The following NTRK2 variants were observed in gnomAD, a reference collection of about 807,000 sequenced individuals.
NTRK2 encodes neurotrophic receptor tyrosine kinase 2.
Under a neutral mutation model 94.5 loss-of-function variants are expected in NTRK2, and 13 were observed. The ratio of observed to expected loss-of-function variants is 0.14; its 90% CI spans 0.09 to 0.22. The LOEUF (loss-of-function observed/expected upper bound fraction) is 0.22, where lower values mean the gene tolerates loss of function less well. Ranked by LOEUF, NTRK2 falls within the 10% of genes least tolerant of loss-of-function variation. The pLI, the probability that NTRK2 is intolerant of heterozygous loss-of-function variation, is 1.00. For missense variants in NTRK2, 639 were observed against 1,071.2 expected (o/e 0.60, Z 5.63); for synonymous variants, 372 against 407.4 (o/e 0.91, Z 1.05).
intron 14 of NTRK2, among the ~76,000 whole-genome samples, chr9:84,879,786 C>T (rs892335077): frequency 6.6e-6 from 1 of 152,038 alleles, no homozygotes; most frequent in Admixed American, 6.6e-5. Flanking sequence ...TGGCATTGCC[C>T]CTTTCATGTG....
intron 14 of NTRK2, among the ~76,000 whole-genome samples, chr9:84,883,789 T>C (rs541715914): frequency 6.6e-6 from 1 of 152,228 alleles, no homozygotes; most frequent in South Asian, 2.1e-4. Flanking sequence ...CCAAAGTGGG[T>C]GAGATTAGGC....
chr9:84,846,646 G>T (rs1274148598), intron 12 of NTRK2, among the ~76,000 whole-genome samples: 3 of 152,182 alleles, frequency 2.0e-5, no homozygotes, highest in Non-Finnish European at 4.4e-5. Flanking sequence ...TACCTCCTCT[G>T]ACTCATGTAC....
intron 12 of NTRK2, among the ~76,000 whole-genome samples, chr9:84,830,524 T>A (rs1447101735): frequency 6.7e-6 from 1 of 149,548 alleles, no homozygotes; most frequent in Non-Finnish European, 1.5e-5. Context: ...CGTGTATGTG[T>A]ATGAGCATGC....
At chr9:84,923,228 G>T (rs2077626151) in intron 14 of NTRK2, among the ~76,000 whole-genome samples, 1 of 152,136 alleles carries the variant, frequency 6.6e-6, no homozygotes, top group African/African-American at 2.4e-5. Flanking sequence ...TCCTTCCTCT[G>T]TTCAGAGCGT....
intron 12 of NTRK2, among the ~76,000 whole-genome samples, chr9:84,857,340 C>G (rs1344813810): frequency 2.0e-5 from 3 of 151,966 alleles, no homozygotes; most frequent in African/African-American, 7.3e-5. Flanking sequence ...TTGAAGGAGC[C>G]CTTTATTTTG....
At chr9:84,960,151 C>T (rs1365059982) in intron 17 of NTRK2, among the ~76,000 whole-genome samples, 1 of 152,204 alleles carries the variant, frequency 6.6e-6, no homozygotes, top group East Asian at 1.9e-4. Context: ...CAGGGCAGAA[C>T]TCTAAAGTGT....
At chr9:84,699,768 CT>C (rs1474779959) in intron 2 of NTRK2, among the ~76,000 whole-genome samples, 1 of 140,602 alleles carries the variant, frequency 7.1e-6, no homozygotes, top group African/African-American at 2.6e-5. Context: ...TGTTTTTTTT[CT>C]TTTTTTTCCC....
chr9:84,729,650 T>G (rs1321241251), intron 9 of NTRK2, among the ~76,000 whole-genome samples: 1 of 152,224 alleles, frequency 6.6e-6, no homozygotes, highest in Non-Finnish European at 1.5e-5. Context: ...TTTGGTACAT[T>G]TGTCACAAAT....
chr9:84,822,022 A>G (rs1482403456), intron 12 of NTRK2, among the ~76,000 whole-genome samples: 1 of 152,204 alleles, frequency 6.6e-6, no homozygotes, highest in African/African-American at 2.4e-5. Flanking sequence ...TGTCATTTTC[A>G]CCATAAAGGA....
chr9:84,831,596 C>T (rs1246333144), intron 12 of NTRK2, among the ~76,000 whole-genome samples: 1 of 152,164 alleles, frequency 6.6e-6, no homozygotes, highest in African/African-American at 2.4e-5. Flanking sequence ...GAGGTAGATA[C>T]CACCATTATC....
At chr9:84,712,541 G>A (rs551604339) in intron 6 of NTRK2, among the ~76,000 whole-genome samples, 1 of 152,252 alleles carries the variant, frequency 6.6e-6, no homozygotes, top group African/African-American at 2.4e-5. Context: ...CAATGTCAAG[G>A]ATGCTTTTCA....
chr9:84,722,309 G>T lies in NTRK2; in HGVS notation c.584-1264G>T, dbSNP rs182382766. Among the ~76,000 whole-genome samples, 19 of 151,796 alleles carry T rather than the reference G, an allele frequency of 1.3e-4. 1 individual carries two copies. The highest frequency in any genetic ancestry group is 8.5e-4 in the Admixed American group (13 of 15,248). Reference sequence around the variant, plus strand: ...ATTGGGGAATCCTCTCCCAGTGGTGGGATAACCATGAAATATAGACTGTAC... The same window carrying T: ...ATTGGGGAATCCTCTCCCAGTGGTGTGATAACCATGAAATATAGACTGTAC... On this transcript the variant is annotated intron_variant, in intron 6 of 18. Transcript: ENST00000277120.
rs184697582 is a variant in NTRK2, at chr9:84,905,003, G to A, written c.1634-29159G>A. ...CAAAAGGAGAAAAGAAAAATGAATA[G>A]TGAAATGGTGCTGATATGACTATGT... is the stretch of plus-strand genomic sequence containing the variant. On this transcript the variant is annotated intron_variant, in intron 14 of 18. Coordinates refer to ENST00000277120, the MANE Select transcript of NTRK2 (RefSeq NM_006180.6). 1.9e-4 allele frequency among the ~76,000 whole-genome samples: 29 copies of A among 152,254 alleles called. No homozygotes were observed. The East Asian group carries it at 5.6e-3, about 29-fold the overall frequency.
At chr9:84,828,825 A>C (rs2131641850) in intron 12 of NTRK2, among the ~76,000 whole-genome samples, 1 of 152,318 alleles carries the variant, frequency 6.6e-6, no homozygotes, top group African/African-American at 2.4e-5. Flanking sequence ...GGGCAGGCAA[A>C]TATATAAATT....
At chr9:84,677,461 A>T (rs992163219) in intron 2 of NTRK2, among the ~76,000 whole-genome samples, 3 of 151,948 alleles carry the variant, frequency 2.0e-5, no homozygotes, top group African/African-American at 7.3e-5. Flanking sequence ...TCTGAGACAT[A>T]TTTTTGGTTG....
At chr9:84,889,341 T>C (rs2076528676) in intron 14 of NTRK2, among the ~76,000 whole-genome samples, 1 of 152,088 alleles carries the variant, frequency 6.6e-6, no homozygotes, top group Non-Finnish European at 1.5e-5. Flanking sequence ...TTTTAAAAAA[T>C]CTTTCTGTAA....
chr9:84,918,177 G>C (rs1004904030), intron 14 of NTRK2, among the ~76,000 whole-genome samples: 5 of 152,184 alleles, frequency 3.3e-5, no homozygotes, highest in Non-Finnish European at 7.3e-5. Context: ...TTGGAGCAGG[G>C]CTTCACATAA....
chr9:84,912,681 C>T (rs527997087), intron 14 of NTRK2, among the ~76,000 whole-genome samples: 14 of 143,674 alleles, frequency 9.7e-5, no homozygotes, highest in Admixed American at 3.6e-4. Context: ...TGCAGTGGCG[C>T]GATCTTGGCT....
intron 17 of NTRK2, among the ~76,000 whole-genome samples, chr9:85,018,416 G>C (rs993837866): frequency 3.3e-5 from 5 of 152,168 alleles, no homozygotes; most frequent in African/African-American, 1.2e-4. Context: ...AGGGTCATTT[G>C]CCCACCTCTG....
Sources: allele counts gnomAD v4.1 joint callset (sites outside exome capture counted in the v4.1 genomes callset), GRCh38; gene constraint gnomAD v4.1.1; transcripts MANE v1.5; gene names NCBI Gene and HGNC (gene_info 2026-07-23, HGNC 2026-07-21).